SEMA5A: variants seen among roughly 807,000 people sequenced by gnomAD.
The protein encoded by SEMA5A is semaphorin 5A, also known as semaphorin-5A.
SEMA5A carries 55 observed loss-of-function variants against 135.5 expected under a neutral mutation model. That is an observed-to-expected ratio of 0.41 (90% confidence interval 0.33 to 0.51). The LOEUF (loss-of-function observed/expected upper bound fraction) is 0.51. SEMA5A is among the 20% of genes least tolerant of loss of function. The probability of loss-of-function intolerance (pLI) is 0.37; values close to 1 mark genes in which losing one functional copy is unlikely to be tolerated. For synonymous variants in SEMA5A, 580 were observed against 546.5 expected (o/e 1.06, Z -0.85); for missense variants, 1,290 against 1,419.9 (o/e 0.91, Z 1.47).
chr5:9,111,928 T>G (rs2657031), intron 15 of SEMA5A, among the ~76,000 whole-genome samples: 1 of 152,046 alleles, frequency 6.6e-6, no homozygotes, highest in African/African-American at 2.4e-5. Context: ...AGTCAGTTAC[T>G]TTGGTATCTG....
At chr5:9,458,772 G>A (rs1316091190) in intron 1 of SEMA5A, among the ~76,000 whole-genome samples, 1 of 152,210 alleles carries the variant, frequency 6.6e-6, no homozygotes. Context: ...GAACACGTAT[G>A]AGCATCAATT....
At chr5:9,318,317 C>G in intron 5 of SEMA5A, 55 bp downstream of exon 5, 1 of 1,528,068 alleles carries the variant, frequency 6.5e-7, no homozygotes, top group Non-Finnish European at 9.0e-7. Context: ...TCCCCTCAAA[C>G]AGTGAGTTAA....
intron 14 of SEMA5A, 67 bp downstream of exon 14, chr5:9,122,589 T>G: frequency 7.1e-7 from 1 of 1,403,522 alleles, no homozygotes; most frequent in Admixed American, 2.5e-5. Context: ...ATAAATGATG[T>G]CCCAAACTCC....
In SEMA5A at chr5:9,203,046, A is replaced by G. The variant is rs983616; in HGVS notation, c.647-806T>C. ...AGATCTTCAGGAATTTAGGAAATAT[A>G]CATTATCAACTGAATTTTACATACA... On this transcript the variant is annotated intron_variant, in intron 8 of 22. Coordinates refer to ENST00000382496, the MANE Select transcript of SEMA5A (RefSeq NM_003966.3). Among the ~76,000 whole-genome samples, 204 of 152,346 alleles carry G rather than the reference A, an allele frequency of 1.3e-3. 1 individual carries two copies. Among genetic ancestry groups the G allele is most frequent in the African/African-American group, 4.4e-3 (184 of 41,586 alleles).
At chr5:9,473,526 TA>T (rs1759558141) in intron 1 of SEMA5A, among the ~76,000 whole-genome samples, 1 of 151,602 alleles carries the variant, frequency 6.6e-6, no homozygotes, top group South Asian at 2.1e-4. Flanking sequence ...GCAGGGTATG[TA>T]GATTTTACCC....
intron 1 of SEMA5A, among the ~76,000 whole-genome samples, chr5:9,534,618 G>C (rs1737652144): frequency 6.6e-6 from 1 of 152,046 alleles, no homozygotes; most frequent in South Asian, 2.1e-4. Flanking sequence ...CCAAGAGAGA[G>C]TTCTTGCACC....
chr5:9,228,520 GC>G (rs113231728), intron 6 of SEMA5A, among the ~76,000 whole-genome samples: 30 of 152,340 alleles, frequency 2.0e-4, no homozygotes, highest in African/African-American at 7.2e-4. Context: ...TGTGAAAGGA[GC>G]CATTACATGT....
At chr5:9,537,071 A>C (rs1473957785) in intron 1 of SEMA5A, among the ~76,000 whole-genome samples, 1 of 152,228 alleles carries the variant, frequency 6.6e-6, no homozygotes, top group Non-Finnish European at 1.5e-5. Flanking sequence ...AAAAAAGAAA[A>C]TGGTTAGAAA....
chr5:9,124,959 G>A (rs368844627), intron 13 of SEMA5A, among the ~76,000 whole-genome samples: 8 of 152,034 alleles, frequency 5.3e-5, no homozygotes, highest in African/African-American at 1.9e-4. Context: ...CAACTCACAG[G>A]AAACAACTCT....
At chr5:9,541,575 C>G (rs147953224) in intron 1 of SEMA5A, among the ~76,000 whole-genome samples, 192 of 152,210 alleles carry the variant, frequency 1.3e-3, no homozygotes, top group African/African-American at 4.4e-3. Context: ...AGTTTAAAAA[C>G]AGAATGATTT....
intron 2 of SEMA5A, among the ~76,000 whole-genome samples, chr5:9,412,751 C>A (rs1561232730): frequency 6.6e-6 from 1 of 152,020 alleles, no homozygotes; most frequent in Non-Finnish European, 1.5e-5. Flanking sequence ...TAATTTTATG[C>A]ATGAAACAAT....
intron 12 of SEMA5A, among the ~76,000 whole-genome samples, chr5:9,142,448 TTTCCTTGCAAGTG>T (rs1163782264): frequency 6.6e-6 from 1 of 152,058 alleles, no homozygotes; most frequent in Non-Finnish European, 1.5e-5. Context: ...AGATTGAGGG[TTTCCTTGCAAGTG>T]TTGCATACTT....
chr5:9,391,573 C>T (rs1387140913), intron 2 of SEMA5A, among the ~76,000 whole-genome samples: 6 of 152,110 alleles, frequency 3.9e-5, no homozygotes, highest in Non-Finnish European at 2.9e-5. Context: ...GCTCTAATTC[C>T]CCCACACAAC....
chr5:9,142,130 A>G (rs1176585232), intron 12 of SEMA5A, among the ~76,000 whole-genome samples: 4 of 152,224 alleles, frequency 2.6e-5, no homozygotes, highest in Non-Finnish European at 4.4e-5. Flanking sequence ...AAATAGTTAC[A>G]TGATAAATAT....
chr5:9,154,725 A>G, intron 11 of SEMA5A, 30 bp from the exon 12 acceptor site: 1 of 1,594,954 alleles, frequency 6.3e-7, no homozygotes, highest in East Asian at 2.2e-5. Context: ...AAAAGGAAAC[A>G]AGGTCAGAGG....
intron 3 of SEMA5A, among the ~76,000 whole-genome samples, chr5:9,361,319 A>C (rs1754685636): frequency 6.6e-6 from 1 of 151,036 alleles, no homozygotes; most frequent in African/African-American, 2.4e-5. Context: ...AAAAAATTGC[A>C]AACAACAACA....
At chr5:9,428,483 G>A (rs983090533) in intron 2 of SEMA5A, among the ~76,000 whole-genome samples, 1 of 152,156 alleles carries the variant, frequency 6.6e-6, no homozygotes, top group African/African-American at 2.4e-5. Flanking sequence ...CAGGAAAGCA[G>A]CTACATTGGT....
intron 1 of SEMA5A, among the ~76,000 whole-genome samples, chr5:9,453,717 G>A (rs954250248): frequency 9.2e-5 from 14 of 152,236 alleles, no homozygotes; most frequent in African/African-American, 3.4e-4. Context: ...TTTCCCCTAG[G>A]AGCAGTGGTT....
chr5:9,113,835 G>A (rs182014681), intron 15 of SEMA5A, among the ~76,000 whole-genome samples: 2 of 152,290 alleles, frequency 1.3e-5, no homozygotes, highest in East Asian at 3.9e-4. Flanking sequence ...GAACTCTCAT[G>A]CGTTGCTGTT....
Sources: allele counts gnomAD v4.1 joint callset (sites outside exome capture counted in the v4.1 genomes callset), GRCh38; gene constraint gnomAD v4.1.1; transcripts MANE v1.5; gene names NCBI Gene and HGNC (gene_info 2026-07-23, HGNC 2026-07-21).